The following PPP6R3 variants were observed in gnomAD, a reference collection of about 807,000 sequenced individuals.
PPP6R3 encodes the protein protein phosphatase 6 regulatory subunit 3.
Under a neutral mutation model 110.7 loss-of-function variants are expected in PPP6R3, and 38 were observed. That is an observed-to-expected ratio of 0.34 (90% CI 0.26 to 0.45). The LOEUF (loss-of-function observed/expected upper bound fraction) is 0.45, where lower values mean the gene tolerates loss of function less well. PPP6R3 is among the 20% of genes least tolerant of loss of function. The pLI is 1.00. For synonymous variants in PPP6R3, 369 were observed against 373.5 expected (o/e 0.99, Z 0.14); for missense variants, 870 against 1,062.4 (o/e 0.82, Z 2.52).
At chr11:68,561,845 A>T (rs1185596283) in intron 8 of PPP6R3, among the ~76,000 whole-genome samples, 1 of 152,154 alleles carries the variant, frequency 6.6e-6, no homozygotes, top group African/African-American at 2.4e-5. Context: ...TATTGACTTG[A>T]TCTCCTGGGC....
At chr11:68,580,676 A>T (rs1251040738) in intron 14 of PPP6R3, among the ~76,000 whole-genome samples, 1 of 132,578 alleles carries the variant, frequency 7.5e-6, no homozygotes. Context: ...TCAGGAATTC[A>T]GTTTTGTATA....
intron 14 of PPP6R3, among the ~76,000 whole-genome samples, chr11:68,577,632 A>G (rs2099536950): frequency 6.6e-6 from 1 of 152,232 alleles, no homozygotes; most frequent in African/African-American, 2.4e-5. Flanking sequence ...AATTCAGATA[A>G]TGCTCACTTA....
At chr11:68,469,303 T>C (rs1435415487) in intron 1 of PPP6R3, among the ~76,000 whole-genome samples, 10 of 152,224 alleles carry the variant, frequency 6.6e-5, no homozygotes, top group Admixed American at 6.5e-4. Context: ...GTTTTGTCTT[T>C]GTTTATCTTT....
chr11:68,511,648 T>C (rs1317821688), intron 1 of PPP6R3, among the ~76,000 whole-genome samples: 1 of 151,792 alleles, frequency 6.6e-6, no homozygotes, highest in South Asian at 2.1e-4. Context: ...ACCTGGCTAA[T>C]TTTTGTATTT....
At chr11:68,547,708 T>C (rs1314311390) in intron 4 of PPP6R3, among the ~76,000 whole-genome samples, 2 of 152,268 alleles carry the variant, frequency 1.3e-5, no homozygotes, top group African/African-American at 2.4e-5. Flanking sequence ...CTAACAGACA[T>C]GCTTTATGTT....
intron 1 of PPP6R3, among the ~76,000 whole-genome samples, chr11:68,495,069 C>T (rs945771451): frequency 2.6e-5 from 4 of 152,098 alleles, no homozygotes; most frequent in African/African-American, 2.4e-5. Flanking sequence ...GTTTACTTTT[C>T]ATAATTTGGG....
intron 22 of PPP6R3, among the ~76,000 whole-genome samples, chr11:68,608,500 G>C (rs573306378): frequency 3.3e-5 from 5 of 152,228 alleles, no homozygotes; most frequent in Non-Finnish European, 7.3e-5. Context: ...AGTAGCGTGG[G>C]CTTCTTTGTA....
chr11:68,601,371 C>A (rs1023160800), intron 20 of PPP6R3, among the ~76,000 whole-genome samples: 3 of 152,200 alleles, frequency 2.0e-5, no homozygotes, highest in South Asian at 4.1e-4. Context: ...ACCCCTACCC[C>A]TTACTGCTCA....
intron 2 of PPP6R3, among the ~76,000 whole-genome samples, chr11:68,531,307 T>TTTTTTTTATTTATTTATTTA (rs1555114423): frequency 1.5e-5 from 2 of 136,952 alleles, no homozygotes; most frequent in East Asian, 4.3e-4. Flanking sequence ...TGAGACTGTG[T>TTTTTTTTATTTATTTATTTA]TTTATTTATT....
intron 9 of PPP6R3, among the ~76,000 whole-genome samples, chr11:68,566,262 G>C (rs553828252): frequency 3.9e-5 from 6 of 151,986 alleles, no homozygotes; most frequent in Non-Finnish European, 5.9e-5. Flanking sequence ...TGCTGCTGCT[G>C]TTGCTACTAC....
intron 23 of PPP6R3, 198 bp from the exon 24 acceptor site, chr11:68,612,868 G>A (rs1193227200): frequency 1.9e-6 from 2 of 1,065,228 alleles, no homozygotes; most frequent in African/African-American, 3.2e-5. Context: ...CTCACCCGGT[G>A]ATGAAGCTTA....
intron 18 of PPP6R3, among the ~76,000 whole-genome samples, chr11:68,594,315 AGAG>A (rs1329393744): frequency 8.2e-5 from 12 of 147,000 alleles, no homozygotes; most frequent in African/African-American, 1.3e-4. Flanking sequence ...AGAGAGAGAG[AGAG>A]AAAAAGAGAG....
At chr11:68,547,413 G>A (rs1167160576) in intron 4 of PPP6R3, among the ~76,000 whole-genome samples, 5 of 152,218 alleles carry the variant, frequency 3.3e-5, no homozygotes, top group Non-Finnish European at 7.3e-5. Flanking sequence ...GCATGGGACA[G>A]AGTCATCTCC....
chr11:68,610,136 G>A (rs983719369), intron 23 of PPP6R3, 113 bp downstream of exon 23: 1 of 1,401,300 alleles, frequency 7.1e-7, no homozygotes, highest in Non-Finnish European at 9.5e-7. Flanking sequence ...CAAGTCTTAG[G>A]CCGCTGACCT....
At chr11:68,471,426 A>G (rs2098791562) in intron 1 of PPP6R3, among the ~76,000 whole-genome samples, 1 of 152,028 alleles carries the variant, frequency 6.6e-6, no homozygotes, top group South Asian at 2.1e-4. Context: ...AGGCCTTAGG[A>G]AAGTGTTGTC....
Position 68,530,310 on chromosome 11 carries a change from G to A in PPP6R3, c.-6-7349G>A, listed in dbSNP as rs371856401. Among the ~76,000 whole-genome samples the A allele has an allele frequency of 7.4e-5, 11 of 148,200 alleles. No individual in the cohort carries two copies. In the East Asian group the frequency reaches 1.7e-3, roughly 23 times the overall value. ...GTATAGGAATTAGAACTTGGGCAGCGTGTGCTTGCATGTCTTTGTATAAGA... is the reference window on the plus strand; with the variant it reads ...GTATAGGAATTAGAACTTGGGCAGCATGTGCTTGCATGTCTTTGTATAAGA... On this transcript the variant is annotated intron_variant, in intron 2 of 23. Transcript: ENST00000393800.
At position 68,589,115 on chromosome 11, in the gene PPP6R3, G is replaced by A. The variant is rs200260082; in HGVS notation, c.1730+1091G>A. On this transcript the variant is annotated intron_variant, in intron 16 of 23. Coordinates refer to ENST00000393800, the MANE Select transcript of PPP6R3 (RefSeq NM_001164161.2). ...TCCGAACTTCTGAGGAGGCTGAGGT[G>A]GGAGAATCACTTGAACTTGGGAGGC... is the stretch of plus-strand genomic sequence containing the variant. 5.9e-4 allele frequency among the ~76,000 whole-genome samples: 89 copies of A among 151,996 alleles called. 1 individual carries two copies. Among genetic ancestry groups the A allele is most frequent in the Non-Finnish European group, 1.2e-3 (79 of 68,032 alleles).
chr11:68,472,908 T>C (rs914935018), intron 1 of PPP6R3, among the ~76,000 whole-genome samples: 3 of 152,244 alleles, frequency 2.0e-5, no homozygotes, highest in African/African-American at 7.2e-5. Flanking sequence ...TTTTAGCATG[T>C]ATCAGTATCA....
At chr11:68,511,758 G>T (rs903776299) in intron 1 of PPP6R3, among the ~76,000 whole-genome samples, 2 of 139,852 alleles carry the variant, frequency 1.4e-5, no homozygotes, top group Middle Eastern at 5.4e-3. Context: ...TGGGATTACA[G>T]GCATGAGCCA....
Sources: allele counts gnomAD v4.1 joint callset (sites outside exome capture counted in the v4.1 genomes callset), GRCh38; gene constraint gnomAD v4.1.1; transcripts MANE v1.5; gene names NCBI Gene and HGNC (gene_info 2026-07-23, HGNC 2026-07-21).